Variants in KDM3B observed in about 807,000 individuals in gnomAD.
KDM3B encodes the protein lysine demethylase 3B.
A neutral mutation model predicts 170.0 loss-of-function variants in KDM3B; 10 were observed. That is an observed-to-expected ratio of 0.06 (90% CI 0.04 to 0.10). The LOEUF (loss-of-function observed/expected upper bound fraction) is 0.10. KDM3B is among the 10% of genes least tolerant of loss of function. The pLI is 1.00. For missense variants in KDM3B, 1,394 were observed against 2,195.2 expected (o/e 0.64, Z 7.29); for synonymous variants, 831 against 834.8 (o/e 1.00, Z 0.08).
rs773040689 is a variant in KDM3B at position 138,377,801 on chromosome 5, A to G, written c.556A>G (p.Lys186Glu). 7 of 1,613,482 alleles carry G rather than the reference A, an allele frequency of 4.3e-6. No homozygotes were observed. Among genetic ancestry groups the G allele is most frequent in the Non-Finnish European group, 5.1e-6 (6 of 1,179,594 alleles). ...AGTTAATGCTTTGATCAGTGACCAAAAGCTACAAGAGATATTCAGCCGAGG... is the reference window on the plus strand; with the variant it reads ...AGTTAATGCTTTGATCAGTGACCAAGAGCTACAAGAGATATTCAGCCGAGG... ...ETVNALISDQ[K>E]LQEIFSRGPY... The change falls in exon 4 of 24, where the codon AAG becomes GAG. Residue 186 changes from lysine (K) to glutamate (E), a missense_variant. By Grantham distance (56) the Lys-to-Glu change is moderately conservative. Around this residue, in one of 19 missense-constraint regions of KDM3B, gnomAD observed 166 missense variants for 216.4 expected, o/e 0.77. Transcript: ENST00000314358.
At chr5:138,427,845 G>T (rs773289593) in intron 19 of KDM3B, 122 bp from the exon 20 acceptor site, 91 of 862,202 alleles carry the variant, frequency 1.1e-4, no homozygotes, top group Non-Finnish European at 1.5e-4. Flanking sequence ...TAAACAAATA[G>T]ACTTCACTCT....
Position 138,381,501 on chromosome 5 carries a change from C to T in KDM3B, c.706-15C>T, listed in dbSNP as rs1422958870. ...TGGACAAGGCATTAAATATCTTTTT[C>T]CCCTCCTACTGTAGAGTGGTGAGAT... On this transcript the variant is annotated splice_polypyrimidine_tract_variant and intron_variant, in intron 5 of 23. Coordinates refer to ENST00000314358, the MANE Select transcript of KDM3B (RefSeq NM_016604.4). 2.0e-6 allele frequency: 3 copies of T among 1,479,844 alleles called. No homozygotes were observed. In the South Asian group the frequency reaches 3.4e-5, roughly 17 times the overall value. The allele number at this position is 1,479,844 out of a possible 1,614,324, so 91.7% of individuals were successfully genotyped here. A position where few individuals can be genotyped will look rare whatever the true frequency, so the allele number is the denominator to read the frequency against.
chr5:138,383,094 C>G (rs1443466089), intron 6 of KDM3B, among the ~76,000 whole-genome samples: 1 of 151,812 alleles, frequency 6.6e-6, no homozygotes, highest in Non-Finnish European at 1.5e-5. Flanking sequence ...GAGCCAGGCT[C>G]TGCAAGTTGG....
chr5:138,405,043 CA>C (rs150051892), intron 11 of KDM3B, among the ~76,000 whole-genome samples: 1,901 of 145,872 alleles, frequency 0.013, 40 homozygotes, highest in African/African-American at 0.045. Context: ...GCCCAGCCTA[CA>C]AATTTTTTTT....
At chr5:138,434,795 G>A (rs1763632738) in intron 23 of KDM3B, among the ~76,000 whole-genome samples, 1 of 152,130 alleles carries the variant, frequency 6.6e-6, no homozygotes, top group Non-Finnish European at 1.5e-5. Flanking sequence ...TTAGCACAAT[G>A]TCTGACACAT....
intron 11 of KDM3B, among the ~76,000 whole-genome samples, chr5:138,412,304 C>G (rs1365381274): frequency 6.6e-6 from 1 of 151,536 alleles, no homozygotes; most frequent in Non-Finnish European, 1.5e-5. Context: ...CCACTGCACT[C>G]CAGCCTGGGC....
At chr5:138,393,823 A>G (rs150019623) in intron 9 of KDM3B, among the ~76,000 whole-genome samples, 143 of 152,270 alleles carry the variant, frequency 9.4e-4, no homozygotes, top group Non-Finnish European at 1.7e-3. Context: ...AAATGTGGGA[A>G]TATCGTCTGC....
rs1763341429 is a variant in KDM3B, at chr5:138,424,287, C to T, written c.4185C>T (p.Asp1395=). ...LCDGRLLCLH[D]PSNKNNWKIF... is the part of the protein sequence containing the mutation. The stretch of plus-strand genomic sequence containing the variant: ...ATGGGAGGCTTCTGTGTCTCCATGA[C>T]CCCAGCAACAAAAACAATTGGAAGA... Residue 1395 remains aspartate, a synonymous_variant, in exon 16 of 24, where the codon GAC becomes GAT. Transcript: ENST00000314358. 1 of 1,613,972 alleles carries T rather than the reference C, an allele frequency of 6.2e-7. No homozygotes were observed. Among genetic ancestry groups the T allele is most frequent in the Non-Finnish European group, 8.5e-7 (1 of 1,180,018 alleles).
chr5:138,399,493 G>A lies in KDM3B; in HGVS notation c.3047-367G>A, dbSNP rs753498430. On this transcript the variant is annotated intron_variant, in intron 10 of 23. Coordinates refer to ENST00000314358, the MANE Select transcript of KDM3B (RefSeq NM_016604.4). ...GCGGAGCTTGCAGTGAGCCAAGATCGCGCCACTGCACTCCAGCCTGGATGA... is the reference window on the plus strand; with the variant it reads ...GCGGAGCTTGCAGTGAGCCAAGATCACGCCACTGCACTCCAGCCTGGATGA... Among the ~76,000 whole-genome samples the A allele has an allele frequency of 1.2e-4, 18 of 151,674 alleles. 1 individual carries two copies. Among genetic ancestry groups the A allele is most frequent in the Non-Finnish European group, 1.6e-4 (11 of 67,952 alleles).
At chr5:138,433,118 T>C (rs955124587) in intron 23 of KDM3B, among the ~76,000 whole-genome samples, 19 of 149,804 alleles carry the variant, frequency 1.3e-4, no homozygotes, top group African/African-American at 2.0e-4. Context: ...TCCTTTCTTT[T>C]TTTTTTTTTT....
At chr5:138,368,530 C>T (rs984607274) in intron 1 of KDM3B, among the ~76,000 whole-genome samples, 2 of 152,112 alleles carry the variant, frequency 1.3e-5, no homozygotes, top group Non-Finnish European at 2.9e-5. Context: ...AGGTGTGGGC[C>T]ACAGCGTCCC....
At chr5:138,432,269 G>T (rs1763554191) in intron 23 of KDM3B, among the ~76,000 whole-genome samples, 1 of 152,194 alleles carries the variant, frequency 6.6e-6, no homozygotes, top group Admixed American at 6.5e-5. Flanking sequence ...TTAGAGCTCT[G>T]CTAGGGATTA....
At chr5:138,423,355 CA>C (rs563380004) in intron 15 of KDM3B, among the ~76,000 whole-genome samples, 244 of 152,326 alleles carry the variant, frequency 1.6e-3, no homozygotes, top group African/African-American at 5.7e-3. Context: ...CATGATGTTA[CA>C]TAATTATACA....
intron 14 of KDM3B, 150 bp from the exon 15 acceptor site, chr5:138,420,556 G>T: frequency 2.5e-6 from 2 of 792,660 alleles, no homozygotes; most frequent in Non-Finnish European, 4.1e-6. Context: ...AGCTTGTAAG[G>T]CTTGACCCAA....
chr5:138,401,139 C>T (rs368669298), intron 11 of KDM3B, among the ~76,000 whole-genome samples: 51 of 152,006 alleles, frequency 3.4e-4, no homozygotes, highest in African/African-American at 1.1e-3. Flanking sequence ...GGCATGGTGG[C>T]GCATACCTGT....
Position 138,420,793 on chromosome 5 carries a change from C to T in KDM3B, c.3803C>T (p.Pro1268Leu), listed in dbSNP as rs763718862. The part of the protein sequence containing the change: ...DSFNSTAKVS[P>L]LTPKLFNSLL... ...TTCAACTCCACTGCAAAGGTCTCTC[C>T]GCTGACTCCAAAGCTTTTTAACAGT... The change falls in exon 15 of 24, where the codon CCG becomes CTG. Residue 1268 changes from proline to leucine, a missense_variant. Transcript: ENST00000314358. 1.7e-5 allele frequency: 28 copies of T among 1,614,016 alleles called. No individual in the cohort carries two copies. Among genetic ancestry groups the T allele is most frequent in the Middle Eastern group, 1.6e-4 (1 of 6,084 alleles).
At chr5:138,380,759 A>G (rs1762105661) in intron 5 of KDM3B, among the ~76,000 whole-genome samples, 1 of 152,100 alleles carries the variant, frequency 6.6e-6, no homozygotes, top group African/African-American at 2.4e-5. Context: ...TTCTTTTTTA[A>G]ACAGAGTCTC....
intron 17 of KDM3B, among the ~76,000 whole-genome samples, chr5:138,426,082 T>C (rs1487323389): frequency 1.3e-5 from 2 of 152,178 alleles, no homozygotes; most frequent in Non-Finnish European, 2.9e-5. Flanking sequence ...CTGTGTAGCT[T>C]ACATGGCAAT....
chr5:138,432,999 C>T (rs1450394561), intron 23 of KDM3B, among the ~76,000 whole-genome samples: 2 of 152,140 alleles, frequency 1.3e-5, no homozygotes, highest in African/African-American at 4.8e-5. Context: ...CTGCCTCGAC[C>T]TCCCAAAGTG....
Sources: allele counts gnomAD v4.1 joint callset (sites outside exome capture counted in the v4.1 genomes callset), GRCh38; gene constraint gnomAD v4.1.1; regional missense constraint gnomAD v4.1.1; transcripts MANE v1.5; gene names NCBI Gene and HGNC (gene_info 2026-07-23, HGNC 2026-07-21).